KCNU1: variants seen among roughly 807,000 people sequenced by gnomAD.
KCNU1 encodes the protein potassium channel subfamily U member 1.
Under a neutral mutation model 126.8 loss-of-function variants are expected in KCNU1, and 93 were observed. That is an observed-to-expected ratio of 0.73 (90% CI 0.62 to 0.87). The LOEUF is 0.87. Among genes scored for constraint, KCNU1 ranks in the 40% least tolerant of loss-of-function variants. KCNU1 has a pLI of 0.00. For synonymous variants in KCNU1, 523 were observed against 494.2 expected, an observed-to-expected ratio of 1.06 and a Z score of -0.77; for missense variants, 1,330 against 1,367.1, an observed-to-expected ratio of 0.97 and a Z score of 0.43.
At chr8:36,836,181 A>G (rs1804740152) in intron 12 of KCNU1, 115 bp from the exon 13 acceptor site, 6 of 650,604 alleles carry the variant, frequency 9.2e-6, no homozygotes, top group South Asian at 8.2e-5. Flanking sequence ...AAACTTTATT[A>G]TATGCCAAGT....
chr8:36,817,875 A>G (rs1466797976), intron 10 of KCNU1, 115 bp downstream of exon 10: 1 of 568,914 alleles, frequency 1.8e-6, no homozygotes, highest in East Asian at 2.8e-5. Context: ...GGTATTGATC[A>G]TAAACAAAAC....
chr8:36,882,550 G>A (rs1806526437), intron 19 of KCNU1, among the ~76,000 whole-genome samples: 1 of 152,086 alleles, frequency 6.6e-6, no homozygotes, highest in Admixed American at 6.5e-5. Flanking sequence ...CAAATTGGCA[G>A]CACTGAGCCC....
rs574761735 is a variant in KCNU1 at position 36,835,859 on chromosome 8, T to C, written c.1296-437T>C. On this transcript the variant is annotated intron_variant, in intron 12 of 26. Coordinates refer to ENST00000399881, the MANE Select transcript of KCNU1 (RefSeq NM_001031836.3). ...AACAGCTGAAAATCTGTACCATACA[T>C]AGTACAGTAAATATGACGTAGATCT... is the stretch of plus-strand genomic sequence containing the variant. Among the ~76,000 whole-genome samples the C allele has an allele frequency of 1.6e-4, 25 of 152,290 alleles. No homozygotes were observed. In the South Asian group the frequency reaches 3.5e-3, roughly 21 times the overall value.
chr8:36,852,309 A>G (rs1342448769), intron 18 of KCNU1, among the ~76,000 whole-genome samples: 2 of 152,132 alleles, frequency 1.3e-5, no homozygotes, highest in Non-Finnish European at 2.9e-5. Context: ...TATATTCAAT[A>G]CAAATTTTGG....
intron 10 of KCNU1, among the ~76,000 whole-genome samples, chr8:36,823,534 T>G (rs1804205295): frequency 6.6e-6 from 1 of 152,108 alleles, no homozygotes; most frequent in Non-Finnish European, 1.5e-5. Context: ...CATTGTAGAT[T>G]CAAGTAAAAG....
At chr8:36,815,991 C>G (rs954386601) in intron 9 of KCNU1, among the ~76,000 whole-genome samples, 2 of 152,232 alleles carry the variant, frequency 1.3e-5, no homozygotes, top group Non-Finnish European at 2.9e-5. Flanking sequence ...TTCCTTTCCA[C>G]TAACTTCTCC....
Position 36,841,014 on chromosome 8 carries a change from G to C in KCNU1, c.1703+11G>C. On this transcript the variant is annotated intron_variant, in intron 16 of 26. Coordinates refer to ENST00000399881, the MANE Select transcript of KCNU1 (RefSeq NM_001031836.3). ...TACGGATGGTTTCTGGTACCAATAA[G>C]TCTGCTCATCTCTTCAGTTGTTTTT... The C allele has an allele frequency of 7.6e-7, 1 of 1,316,326 alleles. No homozygotes were observed. The highest frequency in any genetic ancestry group is 1.1e-6 in the Non-Finnish European group (1 of 912,576). The allele number at this position is 1,316,326 out of a possible 1,614,324, so 81.5% of individuals were successfully genotyped here.
chr8:36,890,977 C>T (rs530843958), intron 19 of KCNU1, among the ~76,000 whole-genome samples: 4 of 151,668 alleles, frequency 2.6e-5, no homozygotes, highest in Admixed American at 6.6e-5. Flanking sequence ...AAATGAAATA[C>T]ATATTTTATG....
chr8:36,920,195 C>G (rs1808288256), intron 23 of KCNU1, among the ~76,000 whole-genome samples: 1 of 152,180 alleles, frequency 6.6e-6, no homozygotes. Context: ...CACTCACTCT[C>G]CACTCCTCCC....
chr8:36,815,820 A>G (rs1803889821), intron 9 of KCNU1, 133 bp downstream of exon 9: 1 of 587,006 alleles, frequency 1.7e-6, no homozygotes, highest in Non-Finnish European at 3.0e-6. Context: ...CGTATTCACT[A>G]AAAAGGACTG....
intron 10 of KCNU1, among the ~76,000 whole-genome samples, chr8:36,820,863 G>C (rs1804097241): frequency 6.6e-6 from 1 of 152,136 alleles, no homozygotes; most frequent in Non-Finnish European, 1.5e-5. Context: ...TCTCAGTCAG[G>C]CAAAGGGGCT....
chr8:36,791,214 T>C (rs1802890086), intron 2 of KCNU1, among the ~76,000 whole-genome samples: 2 of 152,174 alleles, frequency 1.3e-5, no homozygotes, highest in African/African-American at 4.8e-5. Context: ...AGGTGTGTTA[T>C]ATCAACTACC....
At position 36,784,484 on chromosome 8, in the gene KCNU1, C is replaced by T. The variant is rs112216721; in HGVS notation, c.74C>T (p.Ala25Val). 3.5e-4 allele frequency: 570 copies of T among 1,613,860 alleles called. 6 individuals carry two copies. The African/African-American group carries it at 6.4e-3, about 18-fold the overall frequency. ...PKMSCTTEIQAAFILSSFVTF... is the reference protein window; with the variant it reads ...PKMSCTTEIQVAFILSSFVTF... The stretch of plus-strand genomic sequence containing the variant: ...ATGTCCTGCACAACTGAGATCCAAG[C>T]AGCATTCATTCTCTCTTCCTTTGTG... The change falls in exon 1 of 27, where the codon GCA becomes GTA. Residue 25 changes from alanine to valine, a missense_variant. Coordinates refer to ENST00000399881, the MANE Select transcript of KCNU1 (RefSeq NM_001031836.3).
intron 2 of KCNU1, among the ~76,000 whole-genome samples, chr8:36,790,530 A>G (rs1047519806): frequency 6.6e-6 from 1 of 152,102 alleles, no homozygotes; most frequent in African/African-American, 2.4e-5. Flanking sequence ...TTAAATGAGA[A>G]AATAAGTATA....
At chr8:36,933,414 T>C (rs894718620) in intron 26 of KCNU1, among the ~76,000 whole-genome samples, 5 of 152,116 alleles carry the variant, frequency 3.3e-5, no homozygotes, top group African/African-American at 1.2e-4. Context: ...CTGGACTCAT[T>C]GGGTAAATAT....
chr8:36,784,720 T>A, intron 1 of KCNU1, 115 bp downstream of exon 1: 1 of 814,924 alleles, frequency 1.2e-6, no homozygotes, highest in Non-Finnish European at 1.9e-6. Context: ...CAGAGTCAGC[T>A]TCTATAGCCT....
intron 2 of KCNU1, among the ~76,000 whole-genome samples, chr8:36,798,500 TC>T (rs902848916): frequency 1.3e-5 from 2 of 152,140 alleles, no homozygotes; most frequent in Non-Finnish European, 2.9e-5. Flanking sequence ...TTCCAGGCCT[TC>T]CCAATCCTGA....
chr8:36,832,899 G>T (rs1563283173), intron 10 of KCNU1, among the ~76,000 whole-genome samples: 1 of 151,908 alleles, frequency 6.6e-6, no homozygotes, highest in Non-Finnish European at 1.5e-5. Context: ...AAGAATTGTT[G>T]CAATTTCTTC....
At chr8:36,853,608 T>A (rs1805428912) in intron 18 of KCNU1, among the ~76,000 whole-genome samples, 2 of 152,228 alleles carry the variant, frequency 1.3e-5, no homozygotes, top group Admixed American at 1.3e-4. Flanking sequence ...CCATTGAAGT[T>A]GGAAAGCATA....
Sources: allele counts gnomAD v4.1 joint callset (sites outside exome capture counted in the v4.1 genomes callset), GRCh38; gene constraint gnomAD v4.1.1; transcripts MANE v1.5; gene names NCBI Gene and HGNC (gene_info 2026-07-23, HGNC 2026-07-21).